SCAMP1: variants seen among roughly 807,000 people sequenced by gnomAD.
SCAMP1 encodes secretory carrier membrane protein 1.
Under a neutral mutation model 41.8 loss-of-function variants are expected in SCAMP1, and 15 were observed. That is an observed-to-expected ratio of 0.36 (90% CI 0.24 to 0.55). The LOEUF (loss-of-function observed/expected upper bound fraction) is 0.55, where lower values mean the gene tolerates loss of function less well. SCAMP1 is among the 20% of genes least tolerant of loss of function. SCAMP1 has a pLI of 0.86. For synonymous variants in SCAMP1, 135 were observed against 136.8 expected (o/e 0.99, Z 0.09); for missense variants, 341 against 412.6 (o/e 0.83, Z 1.50).
At chr5:78,376,917 A>C (rs1751078784) in intron 1 of SCAMP1, among the ~76,000 whole-genome samples, 1 of 152,142 alleles carries the variant, frequency 6.6e-6, no homozygotes. Flanking sequence ...GAAGCAGTTG[A>C]ACATATGAGA....
At position 78,479,391 on chromosome 5, in the gene SCAMP1, A is replaced by G. The variant is rs1256195403; in HGVS notation, c.*3723A>G. Among the ~76,000 whole-genome samples, 15 of 152,242 alleles carry G rather than the reference A, an allele frequency of 9.9e-5. No homozygotes were observed. Among genetic ancestry groups the G allele is most frequent in the Admixed American group, 9.8e-4 (15 of 15,288 alleles). ...TAGAGTAGACTAATGTGTTTAAAAC[A>G]TGAGTTGTTTTAAATACTTTTTTAT... On this transcript the variant is annotated 3_prime_UTR_variant, in exon 9 of 9. Coordinates refer to ENST00000621999, the MANE Select transcript of SCAMP1 (RefSeq NM_004866.6).
At position 78,475,685 on chromosome 5, in the gene SCAMP1, C is replaced by T; in HGVS notation, c.*17C>T. ...CAGATTTAAGAATCTTCAAACAATA[C>T]ACTGTTACCTTTTGACTGTACCTTT... On this transcript the variant is annotated 3_prime_UTR_variant, in exon 9 of 9. Coordinates refer to ENST00000621999, the MANE Select transcript of SCAMP1 (RefSeq NM_004866.6). 6.7e-7 allele frequency: 1 copy of T among 1,491,298 alleles called. No homozygotes were observed. Among genetic ancestry groups the T allele is most frequent in the Non-Finnish European group, 8.9e-7 (1 of 1,119,874 alleles). The allele number at this position is 1,491,298 out of a possible 1,614,324, so 92.4% of individuals were successfully genotyped here.
intron 2 of SCAMP1, 134 bp from the exon 3 acceptor site, chr5:78,415,386 A>G (rs921699099): frequency 8.2e-6 from 5 of 612,260 alleles, no homozygotes; most frequent in Non-Finnish European, 8.7e-6. Flanking sequence ...TTTGCCACAC[A>G]CTTGACTATG....
chr5:78,459,083 C>T (rs924146077), intron 7 of SCAMP1, among the ~76,000 whole-genome samples, 162 bp from the exon 8 acceptor site: 4 of 152,180 alleles, frequency 2.6e-5, no homozygotes, highest in Non-Finnish European at 4.4e-5. Context: ...TTTAAAACAG[C>T]ATCTATCCTA....
chr5:78,454,231 T>G (rs867185906), intron 7 of SCAMP1, among the ~76,000 whole-genome samples: 4,267 of 152,124 alleles, frequency 0.028, 200 homozygotes, highest in African/African-American at 0.096. Context: ...TGAATAGGAG[T>G]GGTGAGAGAG....
At chr5:78,439,851 C>G (rs182670799) in intron 6 of SCAMP1, among the ~76,000 whole-genome samples, 39 of 152,308 alleles carry the variant, frequency 2.6e-4, no homozygotes, top group Non-Finnish European at 4.3e-4. Context: ...TTCAGGTACA[C>G]CAATGAGACA....
rs952936897 is a variant in SCAMP1 at position 78,478,231 on chromosome 5, T to G, written c.*2563T>G. The G allele has an allele frequency of 6.6e-6, 1 of 152,630 alleles. No homozygotes were observed. The highest frequency in any genetic ancestry group is 1.5e-5 in the Non-Finnish European group (1 of 68,000). The allele number at this position is 152,630 out of a possible 1,614,324, so 9.5% of individuals were successfully genotyped here. On this transcript the variant is annotated 3_prime_UTR_variant, in exon 9 of 9. Transcript: ENST00000621999. The stretch of plus-strand genomic sequence containing the variant: ...GTTTCAGTGGGTTGGAAGTTTTGTA[T>G]ATTTATTGTATTAACACAGAGTGTC...
chr5:78,452,640 A>G (rs937761769), intron 7 of SCAMP1, among the ~76,000 whole-genome samples: 2 of 151,622 alleles, frequency 1.3e-5, no homozygotes, highest in African/African-American at 2.4e-5. Context: ...ATAATGCTGC[A>G]ATAAACATAC....
At chr5:78,409,704 C>G (rs1278968550) in intron 2 of SCAMP1, among the ~76,000 whole-genome samples, 3 of 152,168 alleles carry the variant, frequency 2.0e-5, no homozygotes. Context: ...CATTTCTCAT[C>G]ATTGCTATAC....
chr5:78,365,453 G>A (rs552745973), intron 1 of SCAMP1, among the ~76,000 whole-genome samples: 5 of 127,600 alleles, frequency 3.9e-5, no homozygotes, highest in African/African-American at 9.5e-5. Context: ...CAGCCTGGGC[G>A]ACAGTGCGAG....
At chr5:78,452,147 A>G (rs1453060000) in intron 7 of SCAMP1, among the ~76,000 whole-genome samples, 5 of 151,804 alleles carry the variant, frequency 3.3e-5, no homozygotes, top group African/African-American at 4.8e-5. Context: ...GAGTGTAATT[A>G]TTGGATTATA....
intron 1 of SCAMP1, among the ~76,000 whole-genome samples, chr5:78,362,860 A>G (rs1245068131): frequency 6.6e-6 from 1 of 150,602 alleles, no homozygotes; most frequent in Non-Finnish European, 1.5e-5. Context: ...TTCTAGAATC[A>G]TTTGAGTTAC....
chr5:78,433,196 A>T (rs1314612366), intron 6 of SCAMP1, among the ~76,000 whole-genome samples: 2 of 152,156 alleles, frequency 1.3e-5, no homozygotes, highest in Non-Finnish European at 2.9e-5. Flanking sequence ...TTTTTGTCTG[A>T]TAATGCCAAC....
At chr5:78,427,640 C>T (rs1011832295) in intron 6 of SCAMP1, among the ~76,000 whole-genome samples, 2 of 151,990 alleles carry the variant, frequency 1.3e-5, no homozygotes, top group Non-Finnish European at 2.9e-5. Flanking sequence ...GTGGGTGTAC[C>T]ATTTCACATT....
chr5:78,474,317 G>T lies in SCAMP1; in HGVS notation c.853-1187G>T, dbSNP rs12697886. On this transcript the variant is annotated intron_variant, in intron 8 of 8. Transcript: ENST00000621999. ...AAACATTCAGTCCATAACATATGCCGTTGGTTTCCAAGTCCATGTCTTTAG... is the reference window on the plus strand; with the variant it reads ...AAACATTCAGTCCATAACATATGCCTTTGGTTTCCAAGTCCATGTCTTTAG... Among the ~76,000 whole-genome samples, 306 of 152,030 alleles carry T rather than the reference G, an allele frequency of 2.0e-3. 1 individual carries two copies. Among genetic ancestry groups the T allele is most frequent in the African/African-American group, 6.8e-3 (283 of 41,484 alleles).
chr5:78,386,593 G>A (rs926700117), intron 1 of SCAMP1, among the ~76,000 whole-genome samples: 13 of 151,344 alleles, frequency 8.6e-5, no homozygotes, highest in African/African-American at 2.9e-4. Context: ...CCATTTTAGT[G>A]TATTTTGAGG....
At chr5:78,396,357 A>T (rs1344963530) in intron 2 of SCAMP1, among the ~76,000 whole-genome samples, 1 of 152,204 alleles carries the variant, frequency 6.6e-6, no homozygotes, top group African/African-American at 2.4e-5. Context: ...GGACAGGGAT[A>T]TATGGAAAAT....
At chr5:78,389,498 G>T (rs889465291) in intron 2 of SCAMP1, among the ~76,000 whole-genome samples, 3 of 151,940 alleles carry the variant, frequency 2.0e-5, no homozygotes. Context: ...TGAACTCCTG[G>T]TCTCAATCCA....
intron 6 of SCAMP1, among the ~76,000 whole-genome samples, chr5:78,447,390 T>C (rs540919163): frequency 1.3e-5 from 2 of 152,088 alleles, no homozygotes; most frequent in South Asian, 2.1e-4. Flanking sequence ...TAGTATAATA[T>C]TGACAAAAAG....
Sources: allele counts gnomAD v4.1 joint callset (sites outside exome capture counted in the v4.1 genomes callset), GRCh38; gene constraint gnomAD v4.1.1; transcripts MANE v1.5; gene names NCBI Gene and HGNC (gene_info 2026-07-23, HGNC 2026-07-21).